Variants in TMIE observed in about 807,000 individuals in gnomAD.
TMIE encodes transmembrane inner ear, also known as transmembrane inner ear expressed protein.
In TMIE, 14 loss-of-function variants were observed where a neutral mutation model predicts 16.8. The observed-to-expected ratio is 0.83, with a 90% CI of 0.55 to 1.30. TMIE has a LOEUF of 1.30. Among genes scored for constraint, TMIE ranks in the 50% most tolerant of loss-of-function variants. The pLI, the probability that TMIE is intolerant of heterozygous loss-of-function variation, is 0.00. For synonymous variants in TMIE, 75 were observed against 87.2 expected (o/e 0.86, Z 0.78); for missense variants, 204 against 205.9 (o/e 0.99, Z 0.06).
chr3:46,696,744 G>A (rs1700415321), upstream of TMIE, among the ~76,000 whole-genome samples: 1 of 152,182 alleles, frequency 6.6e-6, no homozygotes, highest in African/African-American at 2.4e-5. Context: ...GGCCCTGGAG[G>A]CTGGACTGGG....
At chr3:46,699,898 T>C (rs1700449722), upstream of TMIE, among the ~76,000 whole-genome samples, 1 of 152,190 alleles carries the variant, frequency 6.6e-6, no homozygotes, top group African/African-American at 2.4e-5. Flanking sequence ...ACCCTCCCCA[T>C]GCCATGGATA....
At position 46,705,857 on chromosome 3, in the gene TMIE, T is replaced by C. The variant is rs757426519; in HGVS notation, c.161T>C (p.Met54Thr). The C allele has an allele frequency of 3.7e-6, 6 of 1,614,004 alleles. No homozygotes were observed. The highest frequency in any genetic ancestry group is 4.2e-6 in the Non-Finnish European group (5 of 1,180,046). ...LTKETVVFWDMRLWHVVGIFS... is the reference protein window; with the variant it reads ...LTKETVVFWDTRLWHVVGIFS... ...AAGGAGACAGTGGTGTTCTGGGACA[T>C]GCGCCTGTGGCACGTGGTGGGCATC... Residue 54 changes from methionine (M) to threonine (T), a missense_variant, in exon 2 of 4, where the codon ATG (methionine) becomes ACG (threonine). Met to Thr is a moderately conservative substitution (Grantham distance 81). Coordinates refer to ENST00000643606, the MANE Select transcript of TMIE (RefSeq NM_147196.3).
At chr3:46,700,276 G>A (rs60387907), upstream of TMIE, among the ~76,000 whole-genome samples, 176 of 152,224 alleles carry the variant, frequency 1.2e-3, no homozygotes, top group African/African-American at 4.0e-3. Context: ...TGTCATCTCC[G>A]GGCCCTGACA....
Position 46,701,403 on chromosome 3 carries a change from G to A in TMIE, c.-85G>A. On this transcript the variant is annotated 5_prime_UTR_variant, in exon 1 of 4. Coordinates refer to ENST00000643606, the MANE Select transcript of TMIE (RefSeq NM_147196.3). This position sits in a 1 kb window ranked among gnomAD's most constrained non-coding sequence, Gnocchi z 4.3. ...TGACTACCCGTGGCCAAAGCCCGTG[G>A]CCACCGAGCGCCGGCTGGCAGGGGC... 8.7e-7 allele frequency: 1 copy of A among 1,150,050 alleles called. No individual in the cohort carries two copies. The highest frequency in any genetic ancestry group is 1.2e-6 in the Non-Finnish European group (1 of 844,454). The allele number at this position is 1,150,050 out of a possible 1,614,324, so 71.2% of individuals were successfully genotyped here.
At chr3:46,698,232 G>A (rs1299039693), upstream of TMIE, among the ~76,000 whole-genome samples, 1 of 151,990 alleles carries the variant, frequency 6.6e-6, no homozygotes, top group Non-Finnish European at 1.5e-5. Context: ...TTTTAGTAGA[G>A]ATGGGGTTTC....
upstream of TMIE, chr3:46,701,274 G>A (rs1700469841): frequency 2.3e-6 from 1 of 437,138 alleles, no homozygotes; most frequent in South Asian, 3.9e-5. The surrounding 1 kb of genome is among the most constrained non-coding windows in gnomAD (Gnocchi z 4.3). Flanking sequence ...GGGGGAGCCT[G>A]CGGCCCGATC....
chr3:46,696,936 A>C (rs2106769297), upstream of TMIE, among the ~76,000 whole-genome samples: 1 of 152,250 alleles, frequency 6.6e-6, no homozygotes, highest in Admixed American at 6.5e-5. Context: ...TTTGGGGTGC[A>C]GGGGGATGTG....
chr3:46,699,213 C>T (rs149217900), upstream of TMIE, among the ~76,000 whole-genome samples: 2,282 of 152,130 alleles, frequency 0.015, 58 homozygotes, highest in African/African-American at 0.051. Context: ...GCTGGGGTTA[C>T]AGGCATGTGC....
chr3:46,695,455 G>A (rs1425429408), intron 1 of TMIE, among the ~76,000 whole-genome samples: 1 of 152,218 alleles, frequency 6.6e-6, no homozygotes, highest in Non-Finnish European at 1.5e-5. Flanking sequence ...GGAGGGGTAT[G>A]GTGGGTTCAA....
Position 46,701,937 on chromosome 3 carries a change from G to T in TMIE, c.93+357G>T, listed in dbSNP as rs1413305965. Among the ~76,000 whole-genome samples, 1 of 152,130 alleles carries T rather than the reference G, an allele frequency of 6.6e-6. No homozygotes were observed. Among genetic ancestry groups the T allele is most frequent in the Non-Finnish European group, 1.5e-5 (1 of 68,030 alleles). ...CATCCTCCAGCCTTTGGTCTCACTGGCAGGGAGGTGCACAGCCCTGGGTTT... is the reference window on the plus strand; with the variant it reads ...CATCCTCCAGCCTTTGGTCTCACTGTCAGGGAGGTGCACAGCCCTGGGTTT... On this transcript the variant is annotated intron_variant, in intron 1 of 3. Transcript: ENST00000643606. This position sits in a 1 kb window ranked among gnomAD's most constrained non-coding sequence, Gnocchi z 4.3.
intron 1 of TMIE, among the ~76,000 whole-genome samples, chr3:46,705,586 C>G (rs531431406): frequency 1.3e-5 from 2 of 152,238 alleles, no homozygotes; most frequent in Non-Finnish European, 2.9e-5. Flanking sequence ...CCTCCCACTT[C>G]AAGTACCTGG....
At chr3:46,709,028 C>T in intron 2 of TMIE, 98 bp from the exon 3 acceptor site, 1 of 1,502,830 alleles carries the variant, frequency 6.7e-7, no homozygotes, top group Non-Finnish European at 9.2e-7. Flanking sequence ...GGGTGAGACA[C>T]ATGTGGGTGG....
chr3:46,704,563 T>C, intron 1 of TMIE, among the ~76,000 whole-genome samples: 1 of 132,822 alleles, frequency 7.5e-6, no homozygotes, highest in African/African-American at 2.9e-5. Flanking sequence ...CAGGACCATG[T>C]CCCCTAGACG....
Position 46,709,963 on chromosome 3 carries a change from A to G in TMIE, c.*275A>G, listed in dbSNP as rs865791883. ...CTGGTGCCACCGTCCCTCTGCAGAT[A>G]CACTGCTCTCCCCACCCAGACCTGC... On this transcript the variant is annotated 3_prime_UTR_variant, in exon 4 of 4. Coordinates refer to ENST00000643606, the MANE Select transcript of TMIE (RefSeq NM_147196.3). 2.0e-6 allele frequency: 1 copy of G among 504,332 alleles called. No homozygotes were observed. The highest frequency in any genetic ancestry group is 3.4e-6 in the Non-Finnish European group (1 of 294,876). 31.2% of individuals were successfully genotyped at this position (504,332 alleles called of 1,614,324 possible).
chr3:46,697,143 G>T (rs1318796968), upstream of TMIE, among the ~76,000 whole-genome samples: 2 of 152,130 alleles, frequency 1.3e-5, no homozygotes, highest in African/African-American at 2.4e-5. Context: ...CCCATGTGGT[G>T]TTAGGTATTG....
In TMIE at chr3:46,701,826, C is replaced by T. The variant is rs536245622; in HGVS notation, c.93+246C>T. Among the ~76,000 whole-genome samples, 37 of 152,186 alleles carry T rather than the reference C, an allele frequency of 2.4e-4. No individual in the cohort carries two copies. The highest frequency in any genetic ancestry group is 7.9e-4 in the African/African-American group (33 of 41,512). ...CCCGATTTCTGGAACATTAGTCTGA[C>T]GGGGGAGACTCACCTTGACCTTAGG... On this transcript the variant is annotated intron_variant, in intron 1 of 3. Transcript: ENST00000643606. The surrounding 1 kb of genome is among the most constrained non-coding windows in gnomAD (Gnocchi z 4.3).
chr3:46,708,825 C>A (rs1700583689), intron 2 of TMIE, among the ~76,000 whole-genome samples: 2 of 152,340 alleles, frequency 1.3e-5, no homozygotes, highest in South Asian at 4.1e-4. Context: ...TCTGCCTTAC[C>A]CTCCAGTGAC....
rs1700542460 is a variant in TMIE, at chr3:46,705,692, A to G, written c.94-98A>G. On this transcript the variant is annotated intron_variant, in intron 1 of 3. Coordinates refer to ENST00000643606, the MANE Select transcript of TMIE (RefSeq NM_147196.3). ...AGAGTTGATTCTAGGAGATTCTGAT[A>G]TGCTTGGGCTGAGTGTTTGCTGAGA... 3.4e-5 allele frequency: 34 copies of G among 990,646 alleles called. 3 individuals are homozygous for G. In the South Asian group the frequency reaches 4.3e-4, roughly 12 times the overall value. 61.4% of individuals were successfully genotyped at this position (990,646 alleles called of 1,614,324 possible).
At chr3:46,693,856 G>T (rs1700326301), upstream of TMIE, among the ~76,000 whole-genome samples, 1 of 152,068 alleles carries the variant, frequency 6.6e-6, no homozygotes, top group Admixed American at 6.5e-5. Flanking sequence ...GCCGCCCCAA[G>T]CCTCTCCTGA....
Sources: allele counts gnomAD v4.1 joint callset (sites outside exome capture counted in the v4.1 genomes callset), GRCh38; gene constraint gnomAD v4.1.1; non-coding constraint Gnocchi (gnomAD v3.1); transcripts MANE v1.5; gene names NCBI Gene and HGNC (gene_info 2026-07-23, HGNC 2026-07-21).